FKTN: variants seen among roughly 807,000 people sequenced by gnomAD.
FKTN encodes the protein ribitol-5-phosphate transferase FKTN.
Under a neutral mutation model 58.6 loss-of-function variants are expected in FKTN, and 47 were observed. The observed-to-expected ratio is 0.80, with a 90% CI of 0.63 to 1.02. The LOEUF (loss-of-function observed/expected upper bound fraction) is 1.02. Ranked by LOEUF, FKTN falls within the 50% of genes least tolerant of loss-of-function variation. The pLI, the probability that FKTN is intolerant of heterozygous loss-of-function variation, is 0.00. For synonymous variants in FKTN, 178 were observed against 191.9 expected, an observed-to-expected ratio of 0.93 and a Z score of 0.60; for missense variants, 516 against 537.3, an observed-to-expected ratio of 0.96 and a Z score of 0.39.
Position 105,573,748 on chromosome 9 carries a change from T to C in FKTN, c.-89+2T>C, listed in dbSNP as rs1241076339. ...TTTTAAAAAAATTGGATTTCAAAGG[T>C]AAGGAATGCATTCTTTGCTCATCCC... On this transcript the variant is annotated splice_donor_variant, in intron 2 of 10. Transcript: ENST00000357998. LOFTEE classifies it low-confidence loss of function (5UTR_SPLICE). The C allele has an allele frequency of 6.6e-6, 1 of 152,110 alleles. No individual in the cohort carries two copies. The highest frequency in any genetic ancestry group is 1.5e-5 in the Non-Finnish European group (1 of 68,028). The allele number at this position is 152,110 out of a possible 1,614,324, so 9.4% of individuals were successfully genotyped here. A position where few individuals can be genotyped will look rare whatever the true frequency, so the allele number is the denominator to read the frequency against.
intron 10 of FKTN, among the ~76,000 whole-genome samples, chr9:105,620,973 A>G (rs534457945): frequency 7.9e-5 from 12 of 152,254 alleles, no homozygotes; most frequent in Admixed American, 2.6e-4. Context: ...TAGAGCCAGT[A>G]TTAGAGTCCT....
At chr9:105,617,912 T>C (rs766449732) in intron 8 of FKTN, 47 bp from the exon 9 acceptor site, 21 of 1,288,600 alleles carry the variant, frequency 1.6e-5, no homozygotes, top group Admixed American at 6.0e-5. Context: ...AATAACTAAT[T>C]TTTTCCAAAC....
intron 7 of FKTN, among the ~76,000 whole-genome samples, chr9:105,613,309 T>C (rs756808478): frequency 6.6e-6 from 1 of 152,250 alleles, no homozygotes; most frequent in Admixed American, 6.5e-5. Context: ...CAGTCATTTA[T>C]TGTAAGAGCA....
In FKTN at chr9:105,607,846, T is replaced by A. The variant is rs779298204; in HGVS notation, c.675T>A (p.Asp225Glu). ...DRPELQQVTV[D>E]GLEVLIPKDP... The stretch of plus-strand genomic sequence containing the variant: ...CAGAGTTACAGCAAGTTACTGTTGA[T>A]GGACTGGAAGTTCTCATTCCAAAGG... Residue 225 changes from aspartate to glutamate, a missense_variant, in exon 7 of 11, where the codon GAT (aspartate) becomes GAA (glutamate). Asp to Glu is a conservative substitution (Grantham distance 45). Coordinates refer to ENST00000357998, the MANE Select transcript of FKTN (RefSeq NM_001079802.2). 3 of 1,613,274 alleles carry A rather than the reference T, an allele frequency of 1.9e-6. No homozygotes were observed. The highest frequency in any genetic ancestry group is 2.5e-6 in the Non-Finnish European group (3 of 1,179,360).
rs114205311 is a variant in FKTN, at chr9:105,596,065, C to T, written c.106-533C>T. Among the ~76,000 whole-genome samples, 1,376 of 152,242 alleles carry T rather than the reference C, an allele frequency of 9.0e-3. 22 individuals carry two copies. The highest frequency in any genetic ancestry group is 0.032 in the African/African-American group (1,319 of 41,538). On this transcript the variant is annotated intron_variant, in intron 3 of 10. Transcript: ENST00000357998. The stretch of plus-strand genomic sequence containing the variant: ...ATTCAAAATTACGATGTATGTTAGG[C>T]AAAGCGTGCATACTGGTGCTATCTG...
At chr9:105,591,121 G>A (rs1038598119) in intron 3 of FKTN, among the ~76,000 whole-genome samples, 2 of 152,048 alleles carry the variant, frequency 1.3e-5, no homozygotes, top group African/African-American at 4.8e-5. Flanking sequence ...TCCAACACTG[G>A]GGATTACAAT....
chr9:105,633,506 A>G (rs1833725809), intron 10 of FKTN: 1 of 152,220 alleles, frequency 6.6e-6, no homozygotes, highest in African/African-American at 2.4e-5. Flanking sequence ...ATCTGATTAG[A>G]GAGGGTGGAG....
intron 6 of FKTN, among the ~76,000 whole-genome samples, chr9:105,606,763 A>G (rs947778180): frequency 6.6e-6 from 1 of 150,916 alleles, no homozygotes; most frequent in African/African-American, 2.4e-5. Context: ...TTAAAGTCAC[A>G]TATTTGAGAA....
chr9:105,559,223 C>T (rs1156629767), intron 1 of FKTN, among the ~76,000 whole-genome samples: 1 of 152,164 alleles, frequency 6.6e-6, no homozygotes, highest in African/African-American at 2.4e-5. Context: ...CAATAACTAG[C>T]CTCTTGGCTG....
intron 4 of FKTN, chr9:105,598,173 T>TA (rs1328153064): frequency 6.4e-6 from 3 of 466,780 alleles, no homozygotes; most frequent in African/African-American, 6.0e-5. Context: ...AAGAGCAGCT[T>TA]ACCACATTCA....
intron 10 of FKTN, among the ~76,000 whole-genome samples, chr9:105,621,968 G>A (rs2133251935): frequency 6.6e-6 from 1 of 152,138 alleles, no homozygotes; most frequent in African/African-American, 2.4e-5. Flanking sequence ...GGGAATATAA[G>A]CATATTTCAA....
At chr9:105,598,541 T>G (rs1046388759) in intron 4 of FKTN, 2 of 152,416 alleles carry the variant, frequency 1.3e-5, no homozygotes, top group Non-Finnish European at 2.9e-5. Flanking sequence ...CAGCATAATC[T>G]CTTTTCAACA....
intron 10 of FKTN, among the ~76,000 whole-genome samples, chr9:105,632,427 A>ATAT (rs879501514): frequency 6.8e-6 from 1 of 148,068 alleles, no homozygotes; most frequent in Non-Finnish European, 1.5e-5. Flanking sequence ...AATAAAAAAA[A>ATAT]ATATATATAT....
At chr9:105,560,071 A>T (rs559125107) in intron 1 of FKTN, among the ~76,000 whole-genome samples, 1 of 152,344 alleles carries the variant, frequency 6.6e-6, no homozygotes, top group African/African-American at 2.4e-5. Context: ...GCAGAAAATA[A>T]ATAATTCAAA....
rs752721354 is a variant in FKTN, at chr9:105,618,057, G to A, written c.1009G>A (p.Asp337Asn). 1.2e-6 allele frequency: 2 copies of A among 1,611,698 alleles called. No homozygotes were observed. The highest frequency in any genetic ancestry group is 8.5e-7 in the Non-Finnish European group (1 of 1,177,966). The part of the protein sequence containing the change: ...YKSDIILAFQ[D>N]AGLPLKHKFG... ...ATCTGATATTATTTTAGCATTTCAG[G>A]ATGCAGGACTTCCGCTCAAACACAA... The change falls in exon 9 of 11, where the codon GAT becomes AAT. Residue 337 changes from aspartate to asparagine, a missense_variant. Coordinates refer to ENST00000357998, the MANE Select transcript of FKTN (RefSeq NM_001079802.2).
In FKTN at chr9:105,568,694, C is replaced by G. The variant is rs181500873; in HGVS notation, c.-180-4961C>G. On this transcript the variant is annotated intron_variant, in intron 1 of 10. Coordinates refer to ENST00000357998, the MANE Select transcript of FKTN (RefSeq NM_001079802.2). ...GAACACTTTTACACTGTTGGTGGGA[C>G]AGTAAACTGGTTCAACCATTGTGGA... Among the ~76,000 whole-genome samples, 1,381 of 152,250 alleles carry G rather than the reference C, an allele frequency of 9.1e-3. 13 individuals are homozygous for G. Among genetic ancestry groups the G allele is most frequent in the Non-Finnish European group, 0.012 (816 of 68,016 alleles).
intron 1 of FKTN, among the ~76,000 whole-genome samples, chr9:105,568,925 G>A (rs924984501): frequency 2.8e-4 from 42 of 152,188 alleles, no homozygotes; most frequent in African/African-American, 9.9e-4. Context: ...TTAAGAAAAT[G>A]TGGCACATAT....
Position 105,619,984 on chromosome 9 carries a change from T to A in FKTN, c.1095T>A (p.Leu365=), listed in dbSNP as rs1455559902. The part of the protein sequence containing the change: ...LSFQGKDDVK[L]DVFFFYEETD... ...TCCAGGGAAAAGATGATGTAAAACT[T>A]GATGTTTTTTTCTTCTATGAAGAAA... is the stretch of plus-strand genomic sequence containing the variant. Residue 365 remains leucine (L), a synonymous_variant, in exon 10 of 11, where the codon CTT becomes CTA. Coordinates refer to ENST00000357998, the MANE Select transcript of FKTN (RefSeq NM_001079802.2). The A allele has an allele frequency of 5.0e-6, 8 of 1,612,746 alleles. No homozygotes were observed. The South Asian group carries it at 8.8e-5, about 18-fold the overall frequency.
At chr9:105,634,608 G>A (rs975388657) in intron 10 of FKTN, among the ~76,000 whole-genome samples, 3 of 152,186 alleles carry the variant, frequency 2.0e-5, no homozygotes, top group African/African-American at 7.2e-5. Context: ...GAAAAGCCTG[G>A]AAATGCAACT....
Sources: allele counts gnomAD v4.1 joint callset (sites outside exome capture counted in the v4.1 genomes callset), GRCh38; gene constraint gnomAD v4.1.1; transcripts MANE v1.5; gene names NCBI Gene and HGNC (gene_info 2026-07-23, HGNC 2026-07-21).